CDK14: variants seen among roughly 807,000 people sequenced by gnomAD.
CDK14 encodes the protein cyclin dependent kinase 14, also known as cyclin-dependent kinase 14.
In CDK14, 34 loss-of-function variants were observed where a neutral mutation model predicts 60.7. The ratio of observed to expected loss-of-function variants is 0.56; its 90% CI spans 0.43 to 0.75. The LOEUF is 0.75. Among genes scored for constraint, CDK14 ranks in the 30% least tolerant of loss-of-function variants. The pLI is 0.00. For synonymous variants in CDK14, 197 were observed against 203.7 expected, an observed-to-expected ratio of 0.97 and a Z score of 0.28; for missense variants, 482 against 564.1, an observed-to-expected ratio of 0.85 and a Z score of 1.47.
intron 2 of CDK14, among the ~76,000 whole-genome samples, chr7:90,661,349 C>G (rs1405933606): frequency 3.3e-5 from 5 of 152,174 alleles, no homozygotes; most frequent in Non-Finnish European, 5.9e-5. Flanking sequence ...TATTCATAGA[C>G]AGCTTACGTA....
At chr7:90,733,677 C>T (rs991995859) in intron 3 of CDK14, among the ~76,000 whole-genome samples, 2 of 152,146 alleles carry the variant, frequency 1.3e-5, no homozygotes, top group African/African-American at 4.8e-5. Flanking sequence ...ATTCCTCCAT[C>T]CCTTTATTTT....
intron 4 of CDK14, among the ~76,000 whole-genome samples, chr7:90,770,409 T>C (rs762809707): frequency 2.6e-5 from 4 of 152,250 alleles, no homozygotes; most frequent in Non-Finnish European, 4.4e-5. Context: ...ACTCAGTTAA[T>C]TGACCTTTAT....
intron 13 of CDK14, among the ~76,000 whole-genome samples, 166 bp from the exon 14 acceptor site, chr7:91,117,899 T>C (rs1159818933): frequency 1.3e-5 from 2 of 152,048 alleles, no homozygotes; most frequent in East Asian, 3.9e-4. Flanking sequence ...TGTTTGCAAA[T>C]GTGTGTGTGC....
intron 4 of CDK14, among the ~76,000 whole-genome samples, chr7:90,754,178 C>T (rs1803962670): frequency 6.6e-6 from 1 of 152,054 alleles, no homozygotes; most frequent in Non-Finnish European, 1.5e-5. Flanking sequence ...CCAAAGCATT[C>T]CTAAGGGAAA....
intron 2 of CDK14, among the ~76,000 whole-genome samples, chr7:90,689,664 A>T (rs1801513851): frequency 6.6e-6 from 1 of 152,184 alleles, no homozygotes; most frequent in South Asian, 2.1e-4. Context: ...AAGGGTAAGA[A>T]ATACATGACT....
intron 4 of CDK14, among the ~76,000 whole-genome samples, chr7:90,771,250 A>T (rs3824036): frequency 0.07 from 10,604 of 152,212 alleles, 862 homozygotes; most frequent in East Asian, 0.43. Flanking sequence ...TTTCTTTAAC[A>T]CTTCTTGCAT....
chr7:91,111,010 A>G (rs1351617661), intron 12 of CDK14, among the ~76,000 whole-genome samples: 2 of 152,156 alleles, frequency 1.3e-5, no homozygotes, highest in Non-Finnish European at 2.9e-5. Context: ...AATTTTGAGA[A>G]TGCTTTCGTT....
intron 2 of CDK14, among the ~76,000 whole-genome samples, chr7:90,667,211 C>A (rs1030174843): frequency 6.6e-6 from 1 of 152,078 alleles, no homozygotes; most frequent in Non-Finnish European, 1.5e-5. Context: ...CCTGGTATGA[C>A]CTCAATAGTA....
At chr7:91,054,205 T>C (rs1281984079) in intron 11 of CDK14, among the ~76,000 whole-genome samples, 3 of 151,906 alleles carry the variant, frequency 2.0e-5, no homozygotes, top group Non-Finnish European at 4.4e-5. Context: ...TTATGATTGA[T>C]AGCAACTATA....
At chr7:91,070,156 TAA>T (rs1375131752) in intron 11 of CDK14, among the ~76,000 whole-genome samples, 1 of 152,218 alleles carries the variant, frequency 6.6e-6, no homozygotes, top group East Asian at 1.9e-4. Context: ...AAGAAGAACC[TAA>T]AGTGTTCTCA....
At chr7:90,868,129 C>G (rs1791245472) in intron 6 of CDK14, among the ~76,000 whole-genome samples, 1 of 151,850 alleles carries the variant, frequency 6.6e-6, no homozygotes, top group Admixed American at 6.6e-5. Flanking sequence ...GAATTTGTCT[C>G]TAAAAAACAA....
chr7:91,000,079 AT>A (rs1057319393), intron 10 of CDK14, among the ~76,000 whole-genome samples: 4 of 151,756 alleles, frequency 2.6e-5, no homozygotes, highest in African/African-American at 4.8e-5. Context: ...AGCAAGCTGA[AT>A]TTTTTTTTAT....
At chr7:90,839,549 T>G (rs1790220888) in intron 5 of CDK14, among the ~76,000 whole-genome samples, 2 of 152,218 alleles carry the variant, frequency 1.3e-5, no homozygotes, top group Non-Finnish European at 2.9e-5. Flanking sequence ...CTCTACTTGC[T>G]GCAATGTGTC....
chr7:90,984,640 G>A (rs1795325389), intron 10 of CDK14, among the ~76,000 whole-genome samples: 1 of 152,130 alleles, frequency 6.6e-6, no homozygotes, highest in Admixed American at 6.5e-5. Context: ...AGGGAGAGTG[G>A]GAAGATGGTG....
intron 14 of CDK14, among the ~76,000 whole-genome samples, chr7:91,169,039 C>T (rs1297593728): frequency 1.3e-5 from 2 of 152,210 alleles, no homozygotes; most frequent in African/African-American, 4.8e-5. Flanking sequence ...GTTGATTGTG[C>T]TCCTACTCTT....
intron 2 of CDK14, among the ~76,000 whole-genome samples, chr7:90,642,399 AT>A (rs1800359718): frequency 6.6e-6 from 1 of 152,180 alleles, no homozygotes; most frequent in African/African-American, 2.4e-5. Flanking sequence ...TTCCCCCTAT[AT>A]AAGTACTTTC....
intron 12 of CDK14, among the ~76,000 whole-genome samples, chr7:91,082,575 G>A (rs1024357943): frequency 2.6e-5 from 4 of 152,128 alleles, no homozygotes; most frequent in African/African-American, 7.2e-5. Flanking sequence ...CAAAAATAGA[G>A]AAGAAAAATC....
rs763896589 is a variant in CDK14, at chr7:91,118,090, T to A, written c.1320T>A (p.Asn440Lys). 1 of 1,612,476 alleles carries A rather than the reference T, an allele frequency of 6.2e-7. No homozygotes were observed. The highest frequency in any genetic ancestry group is 1.1e-5 in the South Asian group (1 of 90,998). ...TGTCTTCTATTTTTACTGTCCCAAA[T>A]GTGAGATTGCAACCAGAAGCTGGAG... ...TDMSSIFTVP[N>K]VRLQPEAGES... Residue 440 changes from asparagine to lysine, a missense_variant, in exon 14 of 15, where the codon AAT (asparagine) becomes AAA (lysine). Coordinates refer to ENST00000380050, the MANE Select transcript of CDK14 (RefSeq NM_001287135.2).
At chr7:91,030,041 T>G (rs898851842) in intron 10 of CDK14, among the ~76,000 whole-genome samples, 2 of 152,212 alleles carry the variant, frequency 1.3e-5, no homozygotes, top group East Asian at 1.9e-4. Flanking sequence ...TTTTCCATAC[T>G]TGTATCCTAG....
Sources: allele counts gnomAD v4.1 joint callset (sites outside exome capture counted in the v4.1 genomes callset), GRCh38; gene constraint gnomAD v4.1.1; transcripts MANE v1.5; gene names NCBI Gene and HGNC (gene_info 2026-07-23, HGNC 2026-07-21).